KIRREL3: variants seen among roughly 807,000 people sequenced by gnomAD.
The protein encoded by KIRREL3 is kin of IRRE-like protein 3.
Under a neutral mutation model 89.7 loss-of-function variants are expected in KIRREL3, and 36 were observed. The observed-to-expected ratio is 0.40, with a 90% confidence interval of 0.31 to 0.53. The LOEUF is 0.53. Ranked by LOEUF, KIRREL3 falls within the 20% of genes least tolerant of loss-of-function variation. KIRREL3 has a pLI of 0.49. For synonymous variants in KIRREL3, 445 were observed against 441.4 expected (o/e 1.01, Z -0.10); for missense variants, 864 against 1,056.6 (o/e 0.82, Z 2.53).
At position 126,782,823 on chromosome 11, in the gene KIRREL3, C is replaced by T. The variant is rs1950369414; in HGVS notation, c.55+217632G>A. Among the ~76,000 whole-genome samples, 1 of 152,100 alleles carries T rather than the reference C, an allele frequency of 6.6e-6. No homozygotes were observed. The highest frequency in any genetic ancestry group is 6.5e-5 in the Admixed American group (1 of 15,270). On this transcript the variant is annotated intron_variant, in intron 1 of 16. Transcript: ENST00000525144. The surrounding 1 kb of genome is among the most constrained non-coding windows in gnomAD (Gnocchi z 4.1). ...GGCTAATATACACACAGATATTTCC[C>T]AGCTATATCTCCTGAGAAAGCCTAC...
chr11:126,754,043 A>G lies in KIRREL3; in HGVS notation c.56-191131T>C, dbSNP rs113958272. 3.3e-5 allele frequency among the ~76,000 whole-genome samples: 5 copies of G among 152,352 alleles called. No individual in the cohort carries two copies. The highest frequency in any genetic ancestry group is 1.2e-4 in the African/African-American group (5 of 41,586). ...TCATTCTTAGTTAACAATGTAAGAT[A>G]CATGATGGCTGCTAAACAATTTGGT... On this transcript the variant is annotated intron_variant, in intron 1 of 16. Coordinates refer to ENST00000525144, the MANE Select transcript of KIRREL3 (RefSeq NM_032531.4). This position sits in a 1 kb window ranked among gnomAD's most constrained non-coding sequence, Gnocchi z 5.1.
At chr11:126,806,172 C>G (rs1199974379) in intron 1 of KIRREL3, among the ~76,000 whole-genome samples, 2 of 152,166 alleles carry the variant, frequency 1.3e-5, no homozygotes, top group Non-Finnish European at 2.9e-5. Flanking sequence ...TCAGGGAAAG[C>G]TATTGTCTTG....
At chr11:126,465,069 CTGAG>C (rs1956677262) in intron 5 of KIRREL3, among the ~76,000 whole-genome samples, 1 of 152,214 alleles carries the variant, frequency 6.6e-6, no homozygotes. Flanking sequence ...GGAGGGTGTG[CTGAG>C]TGTGTGTGGG....
chr11:126,851,175 A>G (rs1008945206), intron 1 of KIRREL3, among the ~76,000 whole-genome samples: 3 of 152,208 alleles, frequency 2.0e-5, no homozygotes, highest in Non-Finnish European at 4.4e-5. Context: ...CCCGACTGCC[A>G]TTGTGTGAAT....
chr11:126,590,288 C>T (rs1488852065), intron 1 of KIRREL3, among the ~76,000 whole-genome samples: 25 of 152,106 alleles, frequency 1.6e-4, no homozygotes, highest in Admixed American at 1.6e-3. Flanking sequence ...AACATCACCT[C>T]CCTCTGTTTT....
intron 6 of KIRREL3, among the ~76,000 whole-genome samples, chr11:126,458,500 C>T (rs1017228527): frequency 6.6e-6 from 1 of 152,204 alleles, no homozygotes; most frequent in Admixed American, 6.5e-5. Flanking sequence ...CTGCCCTCTT[C>T]CTGCTGGTGC....
chr11:126,964,379 A>G (rs1409698598), intron 1 of KIRREL3, among the ~76,000 whole-genome samples: 1 of 152,148 alleles, frequency 6.6e-6, no homozygotes, highest in African/African-American at 2.4e-5. Context: ...CTTCTCCCCC[A>G]TAGATAGATA....
Position 126,924,986 on chromosome 11 carries a change from AAAC to A in KIRREL3, c.55+75466_55+75468del, listed in dbSNP as rs1179667157. ...TTGGGATAAAATTGAAAAAAAAAAA[AAAC>A]AGTCCTAGGAGTTATGCCCTTAGGG... is the stretch of plus-strand genomic sequence containing the variant. On this transcript the variant is annotated intron_variant, in intron 1 of 16. Transcript: ENST00000525144. This position sits in a 1 kb window ranked among gnomAD's most constrained non-coding sequence, Gnocchi z 4.7. Among the ~76,000 whole-genome samples the A allele has an allele frequency of 3.3e-5, 5 of 149,816 alleles. No homozygotes were observed. The highest frequency in any genetic ancestry group is 2.1e-4 in the South Asian group (1 of 4,776).
intron 2 of KIRREL3, among the ~76,000 whole-genome samples, chr11:126,545,231 G>A (rs534044527): frequency 4.6e-5 from 7 of 152,290 alleles, no homozygotes; most frequent in East Asian, 3.9e-4. Flanking sequence ...CTGCCCTATA[G>A]GGAAGAGATT....
chr11:126,821,817 T>G (rs1179668402), intron 1 of KIRREL3, among the ~76,000 whole-genome samples: 1 of 151,912 alleles, frequency 6.6e-6, no homozygotes, highest in Non-Finnish European at 1.5e-5. Flanking sequence ...CCCTAGTTGG[T>G]TTGGAAGATG....
intron 1 of KIRREL3, chr11:126,681,874 A>T (rs1213726786): frequency 6.6e-6 from 3 of 455,418 alleles, no homozygotes; most frequent in Non-Finnish European, 1.3e-5. Flanking sequence ...TACTTTGCAA[A>T]CAAATCAAAT....
At position 126,605,733 on chromosome 11, in the gene KIRREL3, G is replaced by T. The variant is rs537911780; in HGVS notation, c.56-42821C>A. Among the ~76,000 whole-genome samples, 110 of 152,364 alleles carry T rather than the reference G, an allele frequency of 7.2e-4. No individual in the cohort carries two copies. The highest frequency in any genetic ancestry group is 2.4e-3 in the African/African-American group (101 of 41,588). ...CTGTGCGTCCCGCCTGAGTTGAGTA[G>T]GGATGCTGGGAGTGGGAATGGGGTG... On this transcript the variant is annotated intron_variant, in intron 1 of 16. Transcript: ENST00000525144. This position sits in a 1 kb window ranked among gnomAD's most constrained non-coding sequence, Gnocchi z 5.7.
intron 1 of KIRREL3, among the ~76,000 whole-genome samples, chr11:126,794,471 C>A (rs1423033648): frequency 6.6e-6 from 1 of 152,294 alleles, no homozygotes; most frequent in Non-Finnish European, 1.5e-5. Flanking sequence ...GTCTCCTTAT[C>A]TATAAAATAA....
chr11:126,586,109 G>A (rs981330048), intron 1 of KIRREL3, among the ~76,000 whole-genome samples: 4 of 152,132 alleles, frequency 2.6e-5, no homozygotes, highest in South Asian at 2.1e-4. Context: ...CTCCCCGGAC[G>A]TGGCGGCATT....
chr11:126,940,409 T>G lies in KIRREL3; in HGVS notation c.55+60046A>C, dbSNP rs1280892379. The G allele has an allele frequency of 1.3e-5, 2 of 149,612 alleles. No homozygotes were observed. Among genetic ancestry groups the G allele is most frequent in the African/African-American group, 4.9e-5 (2 of 40,536 alleles). 9.3% of individuals were successfully genotyped at this position (149,612 alleles called of 1,614,324 possible). A position where few individuals can be genotyped will look rare whatever the true frequency, so the allele number is the denominator to read the frequency against. On this transcript the variant is annotated intron_variant, in intron 1 of 16. Coordinates refer to ENST00000525144, the MANE Select transcript of KIRREL3 (RefSeq NM_032531.4). This position sits in a 1 kb window ranked among gnomAD's most constrained non-coding sequence, Gnocchi z 4.6. ...TATGCCGCCCTAGATTATGAAAAAG[T>G]ATAATTATATGCAATTAAAAAATGA... is the stretch of plus-strand genomic sequence containing the variant.
At chr11:126,850,495 A>T (rs1048148168) in intron 1 of KIRREL3, among the ~76,000 whole-genome samples, 2 of 152,118 alleles carry the variant, frequency 1.3e-5, no homozygotes, top group African/African-American at 4.8e-5. Flanking sequence ...GCCTGTCCTC[A>T]TAGGTTCTCC....
At chr11:126,678,599 CAAAAAA>C (rs59342253) in intron 1 of KIRREL3, among the ~76,000 whole-genome samples, 2,733 of 49,888 alleles carry the variant, frequency 0.055, 47 homozygotes, top group South Asian at 0.09. Context: ...GACTCTGTCT[CAAAAAA>C]AAAAAAAAAA....
chr11:126,699,366 C>T (rs1947224646), intron 1 of KIRREL3, among the ~76,000 whole-genome samples: 1 of 152,192 alleles, frequency 6.6e-6, no homozygotes, highest in Non-Finnish European at 1.5e-5. Context: ...TGATAGTGTT[C>T]CCACAAGGTG....
At position 126,489,478 on chromosome 11, in the gene KIRREL3, A is replaced by G. The variant is rs1248288903; in HGVS notation, c.434-16012T>C. On this transcript the variant is annotated intron_variant, in intron 4 of 16. Coordinates refer to ENST00000525144, the MANE Select transcript of KIRREL3 (RefSeq NM_032531.4). This position sits in a 1 kb window ranked among gnomAD's most constrained non-coding sequence, Gnocchi z 5.5. ...CATTGATAAGCATGGAGTGTCAACT[A>G]TGTTCCAAAAGCTTCCTGATGGCCC... 6.6e-6 allele frequency among the ~76,000 whole-genome samples: 1 copy of G among 152,194 alleles called. No homozygotes were observed. The highest frequency in any genetic ancestry group is 1.5e-5 in the Non-Finnish European group (1 of 68,040).
Sources: gnomAD v4.1 joint callset for allele counts (sites outside exome capture counted in the v4.1 genomes callset) on GRCh38, gnomAD v4.1.1 for gene constraint, Gnocchi (gnomAD v3.1) non-coding constraint, MANE v1.5 for transcripts, NCBI Gene and HGNC (gene_info 2026-07-23, HGNC 2026-07-21) for gene names.